TOX: variants seen among roughly 807,000 people sequenced by gnomAD.
TOX encodes thymocyte selection associated high mobility group box.
TOX carries 11 observed loss-of-function variants against 53.7 expected under a neutral mutation model. That is an observed-to-expected ratio of 0.20 (90% CI 0.13 to 0.34). The LOEUF (loss-of-function observed/expected upper bound fraction) is 0.34, where lower values mean the gene tolerates loss of function less well. TOX is among the 10% of genes least tolerant of loss of function. The pLI is 1.00. For missense variants in TOX, 570 were observed against 664.6 expected, an observed-to-expected ratio of 0.86 and a Z score of 1.56; for synonymous variants, 225 against 245.3, an observed-to-expected ratio of 0.92 and a Z score of 0.77.
intron 1 of TOX, among the ~76,000 whole-genome samples, chr8:59,049,381 C>A (rs1248914055): frequency 6.6e-6 from 1 of 152,114 alleles, no homozygotes; most frequent in Non-Finnish European, 1.5e-5. Context: ...TTCTTTTTAA[C>A]AAACTAGATA....
chr8:59,085,643 C>T (rs1031777003), intron 1 of TOX, among the ~76,000 whole-genome samples: 1 of 152,230 alleles, frequency 6.6e-6, no homozygotes, highest in African/African-American at 2.4e-5. Context: ...CTGCCTTGGC[C>T]TTCCATTGTT....
At chr8:58,986,983 C>T (rs7824317) in intron 1 of TOX, among the ~76,000 whole-genome samples, 5,284 of 152,282 alleles carry the variant, frequency 0.035, 263 homozygotes, top group African/African-American at 0.12. Flanking sequence ...AAATTAGAAA[C>T]GCCTAGTCTG....
intron 3 of TOX, among the ~76,000 whole-genome samples, chr8:58,870,600 T>A (rs1811181452): frequency 6.6e-6 from 1 of 152,062 alleles, no homozygotes; most frequent in African/African-American, 2.4e-5. Flanking sequence ...AGAACAAAGT[T>A]AAGGAACACA....
chr8:59,095,845 G>A lies in TOX; in HGVS notation c.102+23041C>T, dbSNP rs561179255. The stretch of plus-strand genomic sequence containing the variant: ...GCATGCTAGCACTCCAGTGGTTTCC[G>A]GAATTCAGCAGAACTGATGTGTTGT... On this transcript the variant is annotated intron_variant, in intron 1 of 8. Transcript: ENST00000361421. Among the ~76,000 whole-genome samples the A allele has an allele frequency of 3.3e-5, 5 of 152,312 alleles. No homozygotes were observed. The South Asian group carries it at 8.3e-4, about 25-fold the overall frequency.
intron 7 of TOX, among the ~76,000 whole-genome samples, chr8:58,812,762 T>G (rs1052637379): frequency 2.0e-5 from 3 of 152,216 alleles, no homozygotes; most frequent in African/African-American, 7.2e-5. Context: ...AGAGCCTAGA[T>G]AGTGCCTACC....
chr8:58,833,219 C>T (rs931841613), intron 5 of TOX, among the ~76,000 whole-genome samples: 13 of 152,042 alleles, frequency 8.6e-5, no homozygotes, highest in South Asian at 2.1e-4. Context: ...TCTTACAGCC[C>T]GACTGTGTCT....
At chr8:59,048,919 T>C (rs975316829) in intron 1 of TOX, among the ~76,000 whole-genome samples, 5 of 152,196 alleles carry the variant, frequency 3.3e-5, no homozygotes, top group African/African-American at 1.2e-4. Context: ...GAGATATTAA[T>C]ATATGAAATA....
Position 59,118,996 on chromosome 8 carries a change from C to G in TOX, c.-9G>C, listed in dbSNP as rs1563452476. 6.3e-7 allele frequency: 1 copy of G among 1,581,782 alleles called. No homozygotes were observed. Reference sequence around the variant, plus strand: ...TAAAATCTTACGTCCATTTCACTCTCACATCAAGCAACTCCTTTTCTTTTT... The same window carrying G: ...TAAAATCTTACGTCCATTTCACTCTGACATCAAGCAACTCCTTTTCTTTTT... On this transcript the variant is annotated 5_prime_UTR_variant, in exon 1 of 9. The change abolishes the stop of an existing upstream ORF in the 5' untranslated region. Coordinates refer to ENST00000361421, the MANE Select transcript of TOX (RefSeq NM_014729.3). The surrounding 1 kb of genome is among the most constrained non-coding windows in gnomAD (Gnocchi z 4.1).
intron 1 of TOX, among the ~76,000 whole-genome samples, chr8:58,977,220 C>A (rs145952756): frequency 6.6e-6 from 1 of 152,374 alleles, no homozygotes; most frequent in Non-Finnish European, 1.5e-5. Context: ...CTTGCTGTTT[C>A]AACTTACACT....
At chr8:59,063,331 T>G (rs1047052028) in intron 1 of TOX, among the ~76,000 whole-genome samples, 1 of 152,094 alleles carries the variant, frequency 6.6e-6, no homozygotes, top group Admixed American at 6.5e-5. Flanking sequence ...GTTTCTCACC[T>G]AATGATAAAA....
rs557578013 is a variant in TOX at position 59,107,050 on chromosome 8, G to T, written c.102+11836C>A. ...TGATCTTATAAAGCAGTTTGCTGGGGGGGGGGGGAACGTGACATTTCTAAT... is the reference window on the plus strand; with the variant it reads ...TGATCTTATAAAGCAGTTTGCTGGGTGGGGGGGGAACGTGACATTTCTAAT... On this transcript the variant is annotated intron_variant, in intron 1 of 8. Coordinates refer to ENST00000361421, the MANE Select transcript of TOX (RefSeq NM_014729.3). Among the ~76,000 whole-genome samples, 14 of 132,370 alleles carry T rather than the reference G, an allele frequency of 1.1e-4. 1 individual carries two copies. The South Asian group carries it at 1.6e-3, about 15-fold the overall frequency. The allele number at this position is 132,370 out of a possible 152,430, so 86.8% of individuals were successfully genotyped here.
intron 3 of TOX, among the ~76,000 whole-genome samples, chr8:58,899,570 GGTGACCAGAAGT>G (rs1388683651): frequency 6.6e-6 from 1 of 152,114 alleles, no homozygotes; most frequent in East Asian, 1.9e-4. Context: ...CCAAAATATT[GGTGACCAGAAGT>G]GTTTCAGATT....
At position 58,851,735 on chromosome 8, in the gene TOX, C is replaced by T. The variant is rs746978638; in HGVS notation, c.482G>A (p.Arg161Lys). ...CTGCCTGATGTCTGCAGGCTGGCCCCTTGGTCTCATGGCTGCCATCTGAGG... is the reference window on the plus strand; with the variant it reads ...CTGCCTGATGTCTGCAGGCTGGCCCTTTGGTCTCATGGCTGCCATCTGAGG... ...SHPQMAAMRP[R>K]GQPADIRQQP... Residue 161 changes from arginine (R) to lysine (K), a missense_variant, in exon 4 of 9, where the codon AGG becomes AAG. Transcript: ENST00000361421. The surrounding 1 kb of genome is among the most constrained non-coding windows in gnomAD (Gnocchi z 4.4). 6.2e-6 allele frequency: 10 copies of T among 1,612,974 alleles called. No individual in the cohort carries two copies. The Admixed American group carries it at 1.5e-4, about 24-fold the overall frequency.
intron 1 of TOX, among the ~76,000 whole-genome samples, chr8:59,002,387 T>C (rs1239109351): frequency 3.3e-5 from 5 of 151,312 alleles, no homozygotes; most frequent in African/African-American, 1.2e-4. Flanking sequence ...GGTCAGGAGA[T>C]GGAGACCATC....
At chr8:59,101,267 A>T (rs1554546583) in intron 1 of TOX, among the ~76,000 whole-genome samples, 3 of 152,080 alleles carry the variant, frequency 2.0e-5, no homozygotes, top group Non-Finnish European at 2.9e-5. Context: ...AAGTACACAG[A>T]TTTTTTTTCT....
intron 1 of TOX, among the ~76,000 whole-genome samples, chr8:58,999,708 T>G (rs955664651): frequency 6.6e-6 from 1 of 151,984 alleles, no homozygotes; most frequent in Non-Finnish European, 1.5e-5. Context: ...CTGGACGGAG[T>G]GGCACGGCGA....
At chr8:58,817,526 C>T (rs16918743) in intron 6 of TOX, among the ~76,000 whole-genome samples, 3,503 of 152,184 alleles carry the variant, frequency 0.023, 139 homozygotes, top group African/African-American at 0.08. Flanking sequence ...GTGACTACTT[C>T]CACATCAGAA....
chr8:58,883,553 T>G (rs1811419481), intron 3 of TOX, among the ~76,000 whole-genome samples: 2 of 152,172 alleles, frequency 1.3e-5, no homozygotes, highest in Non-Finnish European at 2.9e-5. Flanking sequence ...AATTACCCTT[T>G]CAAAAATTTC....
At chr8:59,093,414 T>C (rs1026984811) in intron 1 of TOX, among the ~76,000 whole-genome samples, 3 of 152,212 alleles carry the variant, frequency 2.0e-5, no homozygotes, top group Non-Finnish European at 2.9e-5. Context: ...TCAGTTAACA[T>C]CCACTGAATG....
Sources: allele counts gnomAD v4.1 joint callset (sites outside exome capture counted in the v4.1 genomes callset), GRCh38; gene constraint gnomAD v4.1.1; non-coding constraint Gnocchi (gnomAD v3.1); transcripts MANE v1.5; gene names NCBI Gene and HGNC (gene_info 2026-07-23, HGNC 2026-07-21).